ARHGAP15: variants seen among roughly 807,000 people sequenced by gnomAD.
ARHGAP15 encodes the protein rho GTPase-activating protein 15.
ARHGAP15 carries 51 observed loss-of-function variants against 63.7 expected under a neutral mutation model. The observed-to-expected ratio is 0.80, with a 90% CI of 0.64 to 1.01. ARHGAP15 has a LOEUF of 1.01. ARHGAP15 is among the 50% of genes least tolerant of loss of function. The pLI, the probability that ARHGAP15 is intolerant of heterozygous loss-of-function variation, is 0.00. For missense variants in ARHGAP15, 560 were observed against 564.6 expected (o/e 0.99, Z 0.08); for synonymous variants, 191 against 193.8 (o/e 0.99, Z 0.12).
At chr2:143,197,107 A>G (rs985422229) in intron 2 of ARHGAP15, among the ~76,000 whole-genome samples, 21 of 151,984 alleles carry the variant, frequency 1.4e-4, no homozygotes, top group Admixed American at 3.9e-4. Context: ...ATACATTTTA[A>G]AAGTTCTGAG....
intron 6 of ARHGAP15, chr2:143,343,900 CAAA>C (rs1313490362): frequency 6.6e-6 from 1 of 152,038 alleles, no homozygotes; most frequent in Non-Finnish European, 1.5e-5. Flanking sequence ...ACTTTAAAAA[CAAA>C]AACAATTTTT....
chr2:143,435,671 A>G lies in ARHGAP15; in HGVS notation c.545A>G (p.His182Arg), dbSNP rs746341137. 6.2e-7 allele frequency: 1 copy of G among 1,604,986 alleles called. No individual in the cohort carries two copies. Among genetic ancestry groups the G allele is most frequent in the Non-Finnish European group, 8.5e-7 (1 of 1,177,588 alleles). The change falls in exon 7 of 14, where the codon CAC (histidine) becomes CGC (arginine). Residue 182 changes from histidine to arginine, a missense_variant. By Grantham distance (29) the His-to-Arg change is conservative (BLOSUM62 0). Transcript: ENST00000295095. The part of the protein sequence containing the change: ...DIDFIILDWF[H>R]AIKNAIDRLP... Reference sequence around the variant, plus strand: ...GACTTCATCATATTGGATTGGTTCCACGCTATCAAAAATGCAATTGACAGA... The same window carrying G: ...GACTTCATCATATTGGATTGGTTCCGCGCTATCAAAAATGCAATTGACAGA...
chr2:143,621,379 T>C (rs1052607272), intron 11 of ARHGAP15, among the ~76,000 whole-genome samples: 1 of 142,548 alleles, frequency 7.0e-6, no homozygotes, highest in Non-Finnish European at 1.6e-5. Flanking sequence ...GGTAGGGTTA[T>C]GGTTAGTTCA....
chr2:143,352,415 T>A (rs2105317241), intron 6 of ARHGAP15, among the ~76,000 whole-genome samples: 1 of 152,340 alleles, frequency 6.6e-6, no homozygotes, highest in East Asian at 1.9e-4. Flanking sequence ...TAAAATGTGG[T>A]TGCCTTCAAA....
chr2:143,419,650 A>C (rs766577268), intron 6 of ARHGAP15, among the ~76,000 whole-genome samples: 5 of 141,856 alleles, frequency 3.5e-5, no homozygotes, highest in African/African-American at 1.4e-4. Flanking sequence ...ACCTATATAT[A>C]TATATACAAA....
At chr2:143,767,196 G>A (rs949238032) in intron 13 of ARHGAP15, among the ~76,000 whole-genome samples, 2 of 152,070 alleles carry the variant, frequency 1.3e-5, no homozygotes, top group African/African-American at 4.8e-5. Context: ...TGTCAGAATA[G>A]CATTACTTTT....
At chr2:143,547,609 T>C (rs1695386720) in intron 10 of ARHGAP15, among the ~76,000 whole-genome samples, 1 of 151,132 alleles carries the variant, frequency 6.6e-6, no homozygotes, top group Non-Finnish European at 1.5e-5. Context: ...AAGAACTAAG[T>C]ATAAATATAA....
At chr2:143,457,074 A>C (rs959513100) in intron 8 of ARHGAP15, among the ~76,000 whole-genome samples, 6 of 152,260 alleles carry the variant, frequency 3.9e-5, no homozygotes, top group African/African-American at 1.4e-4. Context: ...TCACAAACTT[A>C]TTCAAAAGTT....
At chr2:143,450,279 G>A (rs1005219175) in intron 8 of ARHGAP15, among the ~76,000 whole-genome samples, 11 of 151,312 alleles carry the variant, frequency 7.3e-5, no homozygotes, top group African/African-American at 2.7e-4. Flanking sequence ...TAGTCAAGAA[G>A]CATTAGATAT....
chr2:143,345,763 C>T (rs978606263), intron 6 of ARHGAP15, among the ~76,000 whole-genome samples: 1 of 152,050 alleles, frequency 6.6e-6, no homozygotes, highest in African/African-American at 2.4e-5. Context: ...AAGGTGTATA[C>T]TAAGAGAATA....
rs1558897970 is a variant in ARHGAP15 at position 143,330,123 on chromosome 2, AAAAAAAAAC to A, written c.474+79524_474+79532del. Among the ~76,000 whole-genome samples, 41 of 84,974 alleles carry A rather than the reference AAAAAAAAAC, an allele frequency of 4.8e-4. 6 individuals are homozygous for A. The highest frequency in any genetic ancestry group is 1.5e-3 in the African/African-American group (34 of 23,442). The allele number at this position is 84,974 out of a possible 152,430, so 55.7% of individuals were successfully genotyped here. A position where few individuals can be genotyped will look rare whatever the true frequency, so the allele number is the denominator to read the frequency against. On this transcript the variant is annotated intron_variant, in intron 6 of 13. Coordinates refer to ENST00000295095, the MANE Select transcript of ARHGAP15 (RefSeq NM_018460.4). ...AAAAAAAAAAAAAAAAAAAAAAAAA[AAAAAAAAAC>A]CAAAAACAAAAAACTAAACTAATGA...
chr2:143,242,337 A>T (rs1374083432), intron 5 of ARHGAP15, among the ~76,000 whole-genome samples: 1 of 152,264 alleles, frequency 6.6e-6, no homozygotes, highest in Non-Finnish European at 1.5e-5. Flanking sequence ...AGTGGATGAC[A>T]GTCTAAGAGG....
chr2:143,619,456 T>C (rs1698575051), intron 11 of ARHGAP15, among the ~76,000 whole-genome samples: 1 of 152,130 alleles, frequency 6.6e-6, no homozygotes, highest in African/African-American at 2.4e-5. Context: ...TTTATAAGCT[T>C]TAAGGCAAAA....
chr2:143,371,088 C>T (rs965514318), intron 6 of ARHGAP15, among the ~76,000 whole-genome samples: 1 of 152,018 alleles, frequency 6.6e-6, no homozygotes, highest in Non-Finnish European at 1.5e-5. Flanking sequence ...CTGTAGACAC[C>T]TATTTGAGGT....
At chr2:143,316,370 T>C (rs1435037444) in intron 6 of ARHGAP15, among the ~76,000 whole-genome samples, 4 of 151,732 alleles carry the variant, frequency 2.6e-5, no homozygotes, top group Non-Finnish European at 5.9e-5. Flanking sequence ...TTCAGGCAGT[T>C]TGAATGCACA....
intron 6 of ARHGAP15, among the ~76,000 whole-genome samples, chr2:143,359,668 T>C: frequency 6.6e-6 from 1 of 152,224 alleles, no homozygotes; most frequent in Admixed American, 6.5e-5. Flanking sequence ...AGGTCAGTAT[T>C]TATAAAAGGA....
intron 9 of ARHGAP15, among the ~76,000 whole-genome samples, chr2:143,513,236 C>A (rs1693665556): frequency 1.3e-5 from 2 of 152,132 alleles, no homozygotes; most frequent in South Asian, 2.1e-4. Context: ...GCAGTTTTTC[C>A]CTTGTGAGGG....
intron 9 of ARHGAP15, among the ~76,000 whole-genome samples, chr2:143,501,506 TC>T (rs1693057563): frequency 6.6e-6 from 1 of 152,202 alleles, no homozygotes; most frequent in Admixed American, 6.5e-5. Flanking sequence ...GAAGAAGATA[TC>T]ATAAACATTT....
chr2:143,256,536 C>A (rs1680437043), intron 6 of ARHGAP15, among the ~76,000 whole-genome samples: 1 of 152,038 alleles, frequency 6.6e-6, no homozygotes, highest in African/African-American at 2.4e-5. Context: ...GAAAGCCCTA[C>A]CAAGCTGTTA....
Sources: allele counts gnomAD v4.1 joint callset (sites outside exome capture counted in the v4.1 genomes callset), GRCh38; gene constraint gnomAD v4.1.1; transcripts MANE v1.5; gene names NCBI Gene and HGNC (gene_info 2026-07-23, HGNC 2026-07-21).